The following NSMAF variants were observed in gnomAD, a reference collection of about 807,000 sequenced individuals.
The protein encoded by NSMAF is neutral sphingomyelinase activation associated factor.
In NSMAF, 90 loss-of-function variants were observed where a neutral mutation model predicts 134.9. That is an observed-to-expected ratio of 0.67 (90% confidence interval 0.56 to 0.79). The LOEUF is 0.79. NSMAF is among the 30% of genes least tolerant of loss of function. The probability of loss-of-function intolerance (pLI) is 0.00; values close to 1 mark genes in which losing one functional copy is unlikely to be tolerated. For missense variants in NSMAF, 1,010 were observed against 1,119.0 expected, an observed-to-expected ratio of 0.90 and a Z score of 1.39; for synonymous variants, 358 against 389.6, an observed-to-expected ratio of 0.92 and a Z score of 0.96.
At chr8:58,614,769 G>A (rs1006664538) in intron 9 of NSMAF, among the ~76,000 whole-genome samples, 25 of 152,116 alleles carry the variant, frequency 1.6e-4, no homozygotes, top group African/African-American at 4.8e-4. Context: ...TCCCTCTCTC[G>A]TCCTCCTGAA....
At chr8:58,599,483 G>T in intron 18 of NSMAF, 120 bp from the exon 19 acceptor site, 1 of 1,179,248 alleles carries the variant, frequency 8.5e-7, no homozygotes, top group Non-Finnish European at 1.2e-6. Context: ...ATTTCTTAAT[G>T]CAGTTTTCTT....
intron 27 of NSMAF, 109 bp downstream of exon 27, chr8:58,587,509 C>CA: frequency 1.3e-6 from 1 of 751,956 alleles, no homozygotes. Context: ...TATAATCTTC[C>CA]ATTAACCAAA....
chr8:58,589,452 C>T lies in NSMAF; in HGVS notation c.2211G>A (p.Lys737=). The change falls in exon 26 of 31, where the codon AAG becomes AAA. Residue 737 remains lysine, a splice_region_variant and synonymous_variant. Coordinates refer to ENST00000038176, the MANE Select transcript of NSMAF (RefSeq NM_003580.4). ...LYSASWDSTV[K]VWSGVPAEMP... Reference sequence around the variant, plus strand: ...AAAACTTTTTAAATTATATATGAACCTTCACTGTAGAGTCCCACGATGCAG... The same window carrying T: ...AAAACTTTTTAAATTATATATGAACTTTCACTGTAGAGTCCCACGATGCAG... 2 of 1,462,942 alleles carry T rather than the reference C, an allele frequency of 1.4e-6. No homozygotes were observed. The highest frequency in any genetic ancestry group is 1.8e-6 in the Non-Finnish European group (2 of 1,110,842). The allele number at this position is 1,462,942 out of a possible 1,614,324, so 90.6% of individuals were successfully genotyped here. A position where few individuals can be genotyped will look rare whatever the true frequency, so the allele number is the denominator to read the frequency against.
chr8:58,658,086 T>C (rs566570679), intron 1 of NSMAF, among the ~76,000 whole-genome samples: 6 of 152,300 alleles, frequency 3.9e-5, no homozygotes, highest in African/African-American at 1.2e-4. Flanking sequence ...CACGAATGAC[T>C]CATATCATAC....
rs756091541 is a variant in NSMAF at position 58,603,405 on chromosome 8, C to A, written c.869-19G>T. 3.1e-6 allele frequency: 5 copies of A among 1,611,272 alleles called. No individual in the cohort carries two copies. Among genetic ancestry groups the A allele is most frequent in the Admixed American group, 3.3e-5 (2 of 59,960 alleles). ...TGGTGCTCTGGGGGAAGAGGACCCA[C>A]GAGGTCTGCCACTTAACTTCGCAAA... On this transcript the variant is annotated intron_variant, in intron 12 of 30. Coordinates refer to ENST00000038176, the MANE Select transcript of NSMAF (RefSeq NM_003580.4).
At chr8:58,631,394 C>A (rs1324307229) in intron 6 of NSMAF, 102 bp downstream of exon 6, 1 of 605,254 alleles carries the variant, frequency 1.7e-6, no homozygotes, top group Non-Finnish European at 2.8e-6. Flanking sequence ...TTTAAATACT[C>A]ATTATTATTA....
chr8:58,590,588 C>T (rs569978691), intron 24 of NSMAF, among the ~76,000 whole-genome samples: 1 of 152,250 alleles, frequency 6.6e-6, no homozygotes, highest in Admixed American at 6.5e-5. Context: ...AACATTTAGT[C>T]TGACAGCTAA....
At chr8:58,644,441 C>A (rs888036710) in intron 1 of NSMAF, among the ~76,000 whole-genome samples, 12 of 152,078 alleles carry the variant, frequency 7.9e-5, no homozygotes, top group Non-Finnish European at 1.6e-4. Context: ...CACCGGACTT[C>A]CAAAAAGTTC....
chr8:58,658,519 T>A (rs1273421948), intron 1 of NSMAF, among the ~76,000 whole-genome samples: 1 of 152,166 alleles, frequency 6.6e-6, no homozygotes, highest in African/African-American at 2.4e-5. Flanking sequence ...ATAAAACAAG[T>A]GTAGACAAAT....
intron 9 of NSMAF, among the ~76,000 whole-genome samples, chr8:58,615,492 T>C (rs1444754908): frequency 1.3e-5 from 2 of 152,174 alleles, no homozygotes; most frequent in African/African-American, 4.8e-5. Context: ...ACATATTCTC[T>C]GATCAGATAT....
Position 58,589,560 on chromosome 8 carries a change from T to C in NSMAF, c.2103A>G (p.Ile701Met). The C allele has an allele frequency of 6.4e-7, 1 of 1,567,220 alleles. No individual in the cohort carries two copies. The highest frequency in any genetic ancestry group is 8.6e-7 in the Non-Finnish European group (1 of 1,166,564). Residue 701 changes from isoleucine to methionine, a missense_variant, in exon 26 of 31, where the codon ATA (isoleucine) becomes ATG (methionine). Physicochemically the swap from Ile to Met is conservative, Grantham distance 10. Transcript: ENST00000038176. ...ACGTGTCCTGGCGTCTTCCAAATGC[T>C]ATGGAATAAAAATAGCTAAAAGATA... ...SWDNNVYFYS[I>M]AFGRRQDTLM...
rs546270425 is a variant in NSMAF, at chr8:58,643,529, C to T, written c.60-456G>A. On this transcript the variant is annotated intron_variant, in intron 1 of 30. Transcript: ENST00000038176. Reference sequence around the variant, plus strand: ...CCACAAGAACACATGCCTCTAGGGACAGATCTTTTTTTTTTTTTTTGGGAC... The same window carrying T: ...CCACAAGAACACATGCCTCTAGGGATAGATCTTTTTTTTTTTTTTTGGGAC... Among the ~76,000 whole-genome samples the T allele has an allele frequency of 1.3e-3, 177 of 138,902 alleles. 1 individual carries two copies. Among genetic ancestry groups the T allele is most frequent in the Middle Eastern group, 0.011 (3 of 266 alleles). The allele number at this position is 138,902 out of a possible 152,430, so 91.1% of individuals were successfully genotyped here. A position where few individuals can be genotyped will look rare whatever the true frequency, so the allele number is the denominator to read the frequency against.
At chr8:58,597,661 A>C in intron 20 of NSMAF, 111 bp from the exon 21 acceptor site, 4 of 1,078,086 alleles carry the variant, frequency 3.7e-6, no homozygotes, top group Non-Finnish European at 5.5e-6. Flanking sequence ...AAATAATGAC[A>C]GCAACTATGT....
chr8:58,659,648 C>T lies in NSMAF; in HGVS notation c.-17G>A, dbSNP rs183027756. On this transcript the variant is annotated 5_prime_UTR_variant, in exon 1 of 31. Coordinates refer to ENST00000038176, the MANE Select transcript of NSMAF (RefSeq NM_003580.4). ...AAACGCCATGGAGGGTAGGCGCGGG[C>T]GGGCGCAGAGCGCACAGGCAGGCCC... is the stretch of plus-strand genomic sequence containing the variant. 5,693 of 1,421,236 alleles carry T rather than the reference C, an allele frequency of 4.0e-3. 17 individuals are homozygous for T. Among genetic ancestry groups the T allele is most frequent in the Non-Finnish European group, 4.1e-3 (4,511 of 1,088,174 alleles). 88.0% of individuals were successfully genotyped at this position (1,421,236 alleles called of 1,614,324 possible).
intron 30 of NSMAF, among the ~76,000 whole-genome samples, chr8:58,585,317 G>GTTATTTTTTTTTTTTTTTTTTTTTT (rs1554572269): frequency 2.1e-5 from 3 of 144,330 alleles, no homozygotes; most frequent in African/African-American, 7.7e-5. Flanking sequence ...TTGTTTCTGG[G>GTTATTTTTTTTTTTTTTTTTTTTTT]TTTTTTTTTT....
chr8:58,637,371 A>T (rs1313416903), intron 2 of NSMAF: 1 of 456,274 alleles, frequency 2.2e-6, no homozygotes, highest in East Asian at 6.9e-5. Flanking sequence ...TGCTGATTGC[A>T]ACTGAGTTAT....
chr8:58,601,802 G>A (rs866006916), intron 14 of NSMAF, among the ~76,000 whole-genome samples: 2 of 152,164 alleles, frequency 1.3e-5, no homozygotes, highest in African/African-American at 2.4e-5. Context: ...TCTCTTATGC[G>A]ATTTACCACA....
intron 10 of NSMAF, among the ~76,000 whole-genome samples, chr8:58,608,520 C>T (rs1025379398): frequency 6.6e-6 from 1 of 152,094 alleles, no homozygotes; most frequent in African/African-American, 2.4e-5. Context: ...GAAACTGCCC[C>T]GGAGTCCCAG....
At chr8:58,609,921 C>T (rs1243067871) in intron 9 of NSMAF, among the ~76,000 whole-genome samples, 188 bp from the exon 10 acceptor site, 1 of 152,112 alleles carries the variant, frequency 6.6e-6, no homozygotes, top group Non-Finnish European at 1.5e-5. Context: ...ATGATAAAAA[C>T]TCATTTTTCA....
Sources: gnomAD v4.1 joint callset for allele counts (sites outside exome capture counted in the v4.1 genomes callset) on GRCh38, gnomAD v4.1.1 for gene constraint, MANE v1.5 for transcripts, NCBI Gene and HGNC (gene_info 2026-07-23, HGNC 2026-07-21) for gene names.